RIPOR2: variants seen among roughly 807,000 people sequenced by gnomAD.
RIPOR2 encodes the protein rho family-interacting cell polarization regulator 2.
RIPOR2 carries 39 observed loss-of-function variants against 114.5 expected under a neutral mutation model. The observed-to-expected ratio is 0.34, with a 90% confidence interval of 0.26 to 0.44. The LOEUF (loss-of-function observed/expected upper bound fraction) is 0.44, where lower values mean the gene tolerates loss of function less well. Among genes scored for constraint, RIPOR2 ranks in the 20% least tolerant of loss-of-function variants. The pLI, the probability that RIPOR2 is intolerant of heterozygous loss-of-function variation, is 1.00. For synonymous variants in RIPOR2, 445 were observed against 484.4 expected (o/e 0.92, Z 1.07); for missense variants, 1,007 against 1,255.1 (o/e 0.80, Z 2.99).
intron 1 of RIPOR2, among the ~76,000 whole-genome samples, chr6:25,005,694 GATATATATAT>G (rs34057286): frequency 0.018 from 817 of 45,376 alleles, 26 homozygotes; most frequent in Middle Eastern, 0.048. Context: ...TCCCTATGGA[GATATATATAT>G]ATATATATAT....
chr6:24,849,709 C>T, intron 11 of RIPOR2, 93 bp downstream of exon 11: 1 of 1,131,646 alleles, frequency 8.8e-7, no homozygotes, highest in East Asian at 2.4e-5. Context: ...TAACAAGCTC[C>T]CTGGTGATGC....
chr6:24,958,847 G>A (rs1272620873), intron 1 of RIPOR2, among the ~76,000 whole-genome samples: 1 of 152,042 alleles, frequency 6.6e-6, no homozygotes, highest in African/African-American at 2.4e-5. Context: ...GTCATCCAAG[G>A]ACTCTGAGAG....
chr6:24,930,750 G>A (rs1771325119), intron 1 of RIPOR2, among the ~76,000 whole-genome samples: 1 of 152,134 alleles, frequency 6.6e-6, no homozygotes, highest in African/African-American at 2.4e-5. Flanking sequence ...ATTCGGGGGT[G>A]GAAATTGATC....
At chr6:25,021,044 A>G (rs1295976093) in intron 1 of RIPOR2, among the ~76,000 whole-genome samples, 2 of 152,066 alleles carry the variant, frequency 1.3e-5, no homozygotes, top group Non-Finnish European at 2.9e-5. Flanking sequence ...TTTTTAGTAG[A>G]GAAGGGGTTT....
intron 20 of RIPOR2, 77 bp from the exon 21 acceptor site, chr6:24,809,884 G>T: frequency 1.0e-6 from 1 of 963,838 alleles, no homozygotes; most frequent in Non-Finnish European, 1.6e-6. Flanking sequence ...TTTCACAACT[G>T]GTGGGAACTT....
intron 8 of RIPOR2, among the ~76,000 whole-genome samples, chr6:24,855,707 T>C (rs1440206244): frequency 2.6e-5 from 4 of 152,202 alleles, no homozygotes; most frequent in Non-Finnish European, 5.9e-5. Context: ...TCACACAATG[T>C]GTTTTGCCTT....
chr6:24,809,613 T>A, intron 21 of RIPOR2, 104 bp downstream of exon 21: 1 of 755,470 alleles, frequency 1.3e-6, no homozygotes, highest in Non-Finnish European at 2.3e-6. Context: ...CTAAACAGGG[T>A]ACATGAAACT....
At chr6:25,006,935 C>T (rs1284607114) in intron 1 of RIPOR2, among the ~76,000 whole-genome samples, 2 of 152,342 alleles carry the variant, frequency 1.3e-5, no homozygotes, top group African/African-American at 4.8e-5. Context: ...GTGTGGTGTG[C>T]CTGCTGGGAC....
At chr6:25,013,329 G>A (rs1775848925) in intron 1 of RIPOR2, among the ~76,000 whole-genome samples, 1 of 152,090 alleles carries the variant, frequency 6.6e-6, no homozygotes, top group Non-Finnish European at 1.5e-5. Context: ...GACCACGGGT[G>A]TTCCTTGAGG....
intron 1 of RIPOR2, among the ~76,000 whole-genome samples, chr6:24,903,752 T>A (rs1171237825): frequency 3.9e-5 from 6 of 152,184 alleles, no homozygotes; most frequent in Non-Finnish European, 1.5e-5. Context: ...AACAGGCAAC[T>A]ATTCTGATGC....
At chr6:24,832,184 A>G in intron 16 of RIPOR2, 72 bp downstream of exon 16, 2 of 1,365,310 alleles carry the variant, frequency 1.5e-6, no homozygotes, top group Non-Finnish European at 2.0e-6. Context: ...AGCAATGAAC[A>G]TGCATAGGGA....
chr6:24,944,810 G>C (rs960855608), intron 1 of RIPOR2, among the ~76,000 whole-genome samples: 1 of 152,096 alleles, frequency 6.6e-6, no homozygotes, highest in Admixed American at 6.6e-5. Context: ...AAAGTGACTT[G>C]CCATATACAA....
At chr6:24,873,978 C>T (rs559368120) in intron 2 of RIPOR2, among the ~76,000 whole-genome samples, 179 bp from the exon 3 acceptor site, 1 of 151,758 alleles carries the variant, frequency 6.6e-6, no homozygotes, top group Non-Finnish European at 1.5e-5. Context: ...GACTCATGAG[C>T]TCAAGTGATC....
chr6:24,924,743 G>A (rs909858057), intron 1 of RIPOR2, among the ~76,000 whole-genome samples: 1 of 152,138 alleles, frequency 6.6e-6, no homozygotes, highest in East Asian at 1.9e-4. Context: ...AGAAAGAGAT[G>A]ATACAAAAGG....
In RIPOR2 at chr6:25,041,850, C is replaced by G. The variant is rs1339742766; in HGVS notation, c.76+1G>C. 5 of 702,358 alleles carry G rather than the reference C, an allele frequency of 7.1e-6. No homozygotes were observed. The East Asian group carries it at 1.1e-4, about 15-fold the overall frequency. The allele number at this position is 702,358 out of a possible 1,614,324, so 43.5% of individuals were successfully genotyped here. On this transcript the variant is annotated splice_donor_variant, in intron 1 of 13. Transcript: ENST00000510784. LOFTEE classifies it high-confidence loss of function. Reference sequence around the variant, plus strand: ...TAGGTAACACCAGACGGGACACTCACGGTTGAGCTGGCGCCTCCGGATCCT... The same window carrying G: ...TAGGTAACACCAGACGGGACACTCAGGGTTGAGCTGGCGCCTCCGGATCCT...
At chr6:24,979,401 C>G (rs536104788) in intron 1 of RIPOR2, among the ~76,000 whole-genome samples, 26 of 150,956 alleles carry the variant, frequency 1.7e-4, no homozygotes, top group Admixed American at 4.7e-4. Context: ...ACACCCTCTT[C>G]CAAGTCATCC....
At chr6:24,822,360 G>T (rs1355487965) in intron 19 of RIPOR2, among the ~76,000 whole-genome samples, 1 of 152,140 alleles carries the variant, frequency 6.6e-6, no homozygotes, top group African/African-American at 2.4e-5. Context: ...CAATTCACTT[G>T]TCCCATGAAG....
intron 1 of RIPOR2, among the ~76,000 whole-genome samples, chr6:24,916,389 T>C (rs968702177): frequency 6.6e-6 from 1 of 152,216 alleles, no homozygotes; most frequent in Non-Finnish European, 1.5e-5. Context: ...TTAATACACT[T>C]CTCCTCATTG....
intron 1 of RIPOR2, among the ~76,000 whole-genome samples, chr6:24,950,609 G>A (rs2114199784): frequency 6.6e-6 from 1 of 152,268 alleles, no homozygotes; most frequent in Middle Eastern, 3.4e-3. Context: ...TAAGTGAATG[G>A]GCAGTAGGGG....
Sources: allele counts gnomAD v4.1 joint callset (sites outside exome capture counted in the v4.1 genomes callset), GRCh38; gene constraint gnomAD v4.1.1; transcripts MANE v1.5; gene names NCBI Gene and HGNC (gene_info 2026-07-23, HGNC 2026-07-21).